SEPTIN6: variants seen among roughly 807,000 people sequenced by gnomAD.
SEPTIN6 encodes septin-6.
SEPTIN6 carries 8 observed loss-of-function variants against 33.6 expected under a neutral mutation model. That is an observed-to-expected ratio of 0.24 (90% confidence interval 0.14 to 0.43). The LOEUF is 0.43. Among genes scored for constraint, SEPTIN6 ranks in the 20% least tolerant of loss-of-function variants. SEPTIN6 has a pLI of 1.00. For synonymous variants in SEPTIN6, 131 were observed against 140.0 expected (o/e 0.94, Z 0.45); for missense variants, 250 against 340.8 (o/e 0.73, Z 2.10).
intron 10 of SEPTIN6, among the ~76,000 whole-genome samples, chrX:119,621,276 T>C (rs768521486): frequency 3.6e-5 from 4 of 109,810 alleles, no homozygotes; most frequent in African/African-American, 1.3e-4. Context: ...AAACCCATCA[T>C]TGGTTTGTGC....
chrX:119,618,183 T>TTC lies in SEPTIN6; in HGVS notation c.*1909_*1910insGA. On this transcript the variant is annotated 3_prime_UTR_variant, in exon 11 of 11. Coordinates refer to ENST00000394610, the MANE Select transcript of SEPTIN6 (RefSeq NM_145799.4). ...TGAGCAGATTTTTTTTTTTTTTTTT[T>TTC]TGGTCGTTGGTTTGTTTCTACCTCC... 1 of 796,230 alleles carries TTC rather than the reference T, an allele frequency of 1.3e-6. No individual in the cohort carries two copies. The highest frequency in any genetic ancestry group is 6.8e-5 in the South Asian group (1 of 14,793). The allele number at this position is 796,230 out of a possible 1,213,427, so 65.6% of individuals were successfully genotyped here. A position where few individuals can be genotyped will look rare whatever the true frequency, so the allele number is the denominator to read the frequency against.
intron 2 of SEPTIN6, among the ~76,000 whole-genome samples, chrX:119,670,575 AAAAAG>A (rs1260831982): frequency 3.0e-5 from 3 of 99,860 alleles, no homozygotes; most frequent in African/African-American, 7.4e-5. Context: ...AAAAAAAAAA[AAAAAG>A]AAGAAGAAGA....
Position 119,619,753 on chromosome X carries a change from A to G in SEPTIN6, c.*340T>C. On this transcript the variant is annotated 3_prime_UTR_variant, in exon 11 of 11. Coordinates refer to ENST00000394610, the MANE Select transcript of SEPTIN6 (RefSeq NM_145799.4). ...GGGAGCTGGTGGGAAAGAGTAGCAG[A>G]TGGGCCCCCTGACCATGTCACACCT... 1.0e-6 allele frequency: 1 copy of G among 995,343 alleles called. No homozygotes were observed. The highest frequency in any genetic ancestry group is 1.3e-6 in the Non-Finnish European group (1 of 787,291). The allele number at this position is 995,343 out of a possible 1,213,427, so 82.0% of individuals were successfully genotyped here. A position where few individuals can be genotyped will look rare whatever the true frequency, so the allele number is the denominator to read the frequency against.
At chrX:119,649,701 G>A (rs6655504) in intron 5 of SEPTIN6, among the ~76,000 whole-genome samples, 27,851 of 107,334 alleles carry the variant, frequency 0.26, 4,661 homozygotes, top group African/African-American at 0.6. Context: ...GCAAGACCCC[G>A]TCTCTACAAA....
chrX:119,655,434 A>G (rs2054425399), intron 3 of SEPTIN6, among the ~76,000 whole-genome samples: 1 of 110,949 alleles, frequency 9.0e-6, no homozygotes, highest in Non-Finnish European at 1.9e-5. Context: ...ACTGGACTCC[A>G]GTGGGTGGTA....
intron 1 of SEPTIN6, among the ~76,000 whole-genome samples, chrX:119,676,101 C>T (rs182870414): frequency 8.9e-6 from 1 of 111,812 alleles, no homozygotes; most frequent in East Asian, 2.8e-4. Context: ...GCCTCAGAAA[C>T]GCTAATACAT....
intron 1 of SEPTIN6, among the ~76,000 whole-genome samples, chrX:119,685,503 G>A (rs940090044): frequency 9.0e-6 from 1 of 111,397 alleles, no homozygotes; most frequent in African/African-American, 3.3e-5. Flanking sequence ...AGCTGGAAAC[G>A]CCCTTAAAGA....
intron 8 of SEPTIN6, among the ~76,000 whole-genome samples, chrX:119,630,436 G>A (rs896498555): frequency 8.9e-6 from 1 of 112,038 alleles, no homozygotes. Flanking sequence ...GGAAATACTT[G>A]GCTTTGGACA....
chrX:119,638,361 T>C (rs1207246091), intron 6 of SEPTIN6, among the ~76,000 whole-genome samples: 3 of 111,821 alleles, frequency 2.7e-5, no homozygotes, highest in Non-Finnish European at 5.6e-5. Context: ...GACCAAGTCA[T>C]AGCAAAATCG....
chrX:119,632,847 C>T (rs890011858), intron 8 of SEPTIN6, among the ~76,000 whole-genome samples: 4 of 111,834 alleles, frequency 3.6e-5, no homozygotes, highest in African/African-American at 9.7e-5. Flanking sequence ...AGGCTGGTCT[C>T]GAACTCCTGA....
chrX:119,645,947 G>A (rs1427337552), intron 5 of SEPTIN6, among the ~76,000 whole-genome samples: 1 of 112,274 alleles, frequency 8.9e-6, no homozygotes, highest in Non-Finnish European at 1.9e-5. Context: ...ACATTGTAAA[G>A]TACTTAATAA....
In SEPTIN6 at chrX:119,617,815, C is replaced by G; in HGVS notation, c.*2278G>C. ...GGAGTAAGTAGGTTATATCGTCTTA[C>G]TGACTAAAATGTCTCCCTTAATATA... On this transcript the variant is annotated 3_prime_UTR_variant, in exon 11 of 11. Coordinates refer to ENST00000394610, the MANE Select transcript of SEPTIN6 (RefSeq NM_145799.4). 2.5e-6 allele frequency: 2 copies of G among 799,636 alleles called. No individual in the cohort carries two copies. The highest frequency in any genetic ancestry group is 3.0e-6 in the Non-Finnish European group (2 of 665,272). The allele number at this position is 799,636 out of a possible 1,213,427, so 65.9% of individuals were successfully genotyped here.
chrX:119,651,398 G>A (rs2054349446), intron 4 of SEPTIN6, among the ~76,000 whole-genome samples: 1 of 112,102 alleles, frequency 8.9e-6, no homozygotes, highest in African/African-American at 3.2e-5. Flanking sequence ...TCAGGCCAGG[G>A]GCAGTGGCTC....
At chrX:119,686,469 G>T in intron 1 of SEPTIN6, 1 of 451,410 alleles carries the variant, frequency 2.2e-6, no homozygotes, top group Non-Finnish European at 3.4e-6. Flanking sequence ...TTAAGTGAGT[G>T]GAAGGGCCGG....
At chrX:119,624,271 G>A (rs139282281) in intron 10 of SEPTIN6, among the ~76,000 whole-genome samples, 2,602 of 108,483 alleles carry the variant, frequency 0.024, 33 homozygotes, top group Non-Finnish European at 0.037. Flanking sequence ...CGCCTCCCAG[G>A]TTCAAGCAAT....
At chrX:119,639,997 A>T (rs1238561362) in intron 6 of SEPTIN6, among the ~76,000 whole-genome samples, 1 of 105,805 alleles carries the variant, frequency 9.5e-6, no homozygotes, top group Non-Finnish European at 1.9e-5. Context: ...TTTTTAGTAG[A>T]AACGGGGTTT....
chrX:119,628,310 G>A (rs1294146426), intron 9 of SEPTIN6, among the ~76,000 whole-genome samples: 2 of 101,418 alleles, frequency 2.0e-5, no homozygotes, highest in Non-Finnish European at 2.0e-5. Flanking sequence ...ATGGAGTCTC[G>A]CTCTGTCGCC....
At chrX:119,622,519 A>G (rs1010975187) in intron 10 of SEPTIN6, among the ~76,000 whole-genome samples, 6 of 111,295 alleles carry the variant, frequency 5.4e-5, no homozygotes, top group African/African-American at 1.6e-4. Context: ...TGCCAGGGAG[A>G]ATCCTGCCAG....
At position 119,640,700 on chromosome X, in the gene SEPTIN6, G is replaced by A; in HGVS notation, c.779C>T (p.Thr260Ile). Residue 260 changes from threonine (T) to isoleucine (I), a missense_variant, in exon 6 of 11, where the codon ACT becomes ATT. Coordinates refer to ENST00000394610, the MANE Select transcript of SEPTIN6 (RefSeq NM_145799.4). ...MMRARQYPWG[T>I]VQVENEAHCD... ...CCCGGAGACTCACTCACCCTGCACA[G>A]TGCCCCAAGGATACTGCCGCGCCCT... The A allele has an allele frequency of 8.3e-7, 1 of 1,207,088 alleles. No homozygotes were observed. Among genetic ancestry groups the A allele is most frequent in the Non-Finnish European group, 1.1e-6 (1 of 891,223 alleles).
Sources: allele counts gnomAD v4.1 joint callset (sites outside exome capture counted in the v4.1 genomes callset), GRCh38; gene constraint gnomAD v4.1.1; transcripts MANE v1.5; gene names NCBI Gene and HGNC (gene_info 2026-07-23, HGNC 2026-07-21).